The following SPATA13 variants were observed in gnomAD, a reference collection of about 807,000 sequenced individuals.
The protein encoded by SPATA13 is spermatogenesis-associated protein 13.
Under a neutral mutation model 104.0 loss-of-function variants are expected in SPATA13, and 50 were observed. The ratio of observed to expected loss-of-function variants is 0.48; its 90% CI spans 0.38 to 0.61. SPATA13 has a LOEUF of 0.61. SPATA13 is among the 20% of genes least tolerant of loss of function. SPATA13 has a pLI of 0.00. For missense variants in SPATA13, 1,524 were observed against 1,690.6 expected, an observed-to-expected ratio of 0.90 and a Z score of 1.73; for synonymous variants, 606 against 667.5, an observed-to-expected ratio of 0.91 and a Z score of 1.42.
At chr13:24,213,638 C>T (rs778675366) in intron 1 of SPATA13, among the ~76,000 whole-genome samples, 3 of 152,204 alleles carry the variant, frequency 2.0e-5, no homozygotes, top group Non-Finnish European at 2.9e-5. Context: ...ACCATTCAAG[C>T]TTCTAAGTCA....
intron 2 of SPATA13, among the ~76,000 whole-genome samples, chr13:24,009,693 G>A (rs1279185031): frequency 6.6e-6 from 1 of 152,188 alleles, no homozygotes; most frequent in Non-Finnish European, 1.5e-5. Context: ...AGGGGTGGTG[G>A]AGACCAAAGT....
intron 3 of SPATA13, among the ~76,000 whole-genome samples, chr13:24,095,569 A>T (rs6490870): frequency 3.3e-5 from 5 of 151,988 alleles, no homozygotes; most frequent in Non-Finnish European, 7.4e-5. Context: ...TATGATGGTA[A>T]ATATGTATAT....
intron 3 of SPATA13, among the ~76,000 whole-genome samples, chr13:24,082,959 AT>A (rs767224725): frequency 1.1e-4 from 17 of 151,606 alleles, no homozygotes; most frequent in African/African-American, 4.1e-4. Flanking sequence ...TAAGAGTAGT[AT>A]TTTTTGTGTA....
rs145485239 is a variant in SPATA13 at position 24,149,732 on chromosome 13, C to T, written c.-111-73087C>T. Among the ~76,000 whole-genome samples the T allele has an allele frequency of 4.0e-3, 602 of 152,306 alleles. 4 individuals carry two copies. Among genetic ancestry groups the T allele is most frequent in the African/African-American group, 0.013 (548 of 41,562 alleles). On this transcript the variant is annotated intron_variant, in intron 3 of 14. Coordinates refer to the SPATA13 transcript ENST00000424834. ...TGTGGGGAAGAACCCAGAGGGAGAG[C>T]GGCTTGTACAAAGGCCCTGCGGGGC...
chr13:24,230,363 G>GT (rs1194306506), intron 2 of SPATA13, among the ~76,000 whole-genome samples: 2 of 151,752 alleles, frequency 1.3e-5, no homozygotes, highest in African/African-American at 4.8e-5. Context: ...TGAGAATGCA[G>GT]TAAGTGCCGC....
rs76320389 is a variant in SPATA13 at position 24,182,705 on chromosome 13, A to G, written c.-112+21773A>G. Among the ~76,000 whole-genome samples the G allele has an allele frequency of 5.6e-3, 853 of 152,324 alleles. 10 individuals carry two copies. The highest frequency in any genetic ancestry group is 0.02 in the African/African-American group (811 of 41,568). On this transcript the variant is annotated intron_variant, in intron 1 of 12. Coordinates refer to ENST00000382108, the MANE Select transcript of SPATA13 (RefSeq NM_001166271.3). ...TGAGATTTGGAGAGGACAAACATCT[A>G]GACCATATCAATGGCTGTCTTTTTT...
chr13:24,056,036 A>G (rs993684798), intron 3 of SPATA13, among the ~76,000 whole-genome samples: 44 of 152,214 alleles, frequency 2.9e-4, no homozygotes, highest in Non-Finnish European at 3.1e-4. Context: ...AACAGGCTTT[A>G]TGGATGGAAG....
rs559684592 is a variant in SPATA13 at position 24,177,645 on chromosome 13, G to C, written c.-112+16713G>C. Among the ~76,000 whole-genome samples the C allele has an allele frequency of 6.6e-5, 10 of 151,728 alleles. No homozygotes were observed. The East Asian group carries it at 2.0e-3, about 30-fold the overall frequency. On this transcript the variant is annotated intron_variant, in intron 1 of 12. Transcript: ENST00000382108. Reference sequence around the variant, plus strand: ...TAGCTAATTTTTTAAATTTTCTGTAGAGACAGGGTCTCCTGTGTTGCCCAG... The same window carrying C: ...TAGCTAATTTTTTAAATTTTCTGTACAGACAGGGTCTCCTGTGTTGCCCAG...
chr13:24,007,549 C>G (rs1381864853), intron 2 of SPATA13, among the ~76,000 whole-genome samples: 1 of 152,168 alleles, frequency 6.6e-6, no homozygotes, highest in Non-Finnish European at 1.5e-5. Flanking sequence ...CTCTGCTTCC[C>G]AGGTTCAAGT....
intron 2 of SPATA13, among the ~76,000 whole-genome samples, chr13:24,012,228 G>A (rs558626431): frequency 1.3e-5 from 2 of 152,306 alleles, no homozygotes; most frequent in Admixed American, 1.3e-4. Context: ...TCCATCACTG[G>A]TAGAAGGGTC....
chr13:24,084,856 T>C (rs1345433156), intron 3 of SPATA13, among the ~76,000 whole-genome samples: 1 of 152,172 alleles, frequency 6.6e-6, no homozygotes, highest in Non-Finnish European at 1.5e-5. Flanking sequence ...ACCCGGTCTC[T>C]ACAAAAATAT....
chr13:24,297,298 T>C (rs1876851067), intron 10 of SPATA13, 65 bp from the exon 11 acceptor site: 28 of 1,528,094 alleles, frequency 1.8e-5, no homozygotes, highest in Non-Finnish European at 2.4e-5. Flanking sequence ...CTTGGCTTCT[T>C]AAGTAGCTAG....
At chr13:24,089,714 A>G (rs998982621) in intron 3 of SPATA13, among the ~76,000 whole-genome samples, 18 of 152,236 alleles carry the variant, frequency 1.2e-4, no homozygotes, top group Non-Finnish European at 1.9e-4. Context: ...CTGAAATTCA[A>G]ATTTCACTGG....
chr13:24,228,045 C>T (rs1254155965), intron 2 of SPATA13, among the ~76,000 whole-genome samples: 1 of 151,612 alleles, frequency 6.6e-6, no homozygotes, highest in African/African-American at 2.4e-5. Flanking sequence ...GCTAGGATTA[C>T]AGGCACCTGC....
At chr13:24,208,085 TG>T (rs1170563414) in intron 1 of SPATA13, among the ~76,000 whole-genome samples, 1 of 152,218 alleles carries the variant, frequency 6.6e-6, no homozygotes, top group Non-Finnish European at 1.5e-5. Context: ...GGACGAGCCT[TG>T]TTCTTGTCAA....
intron 4 of SPATA13, among the ~76,000 whole-genome samples, chr13:24,262,738 T>C (rs1401514636): frequency 6.6e-6 from 1 of 152,200 alleles, no homozygotes; most frequent in African/African-American, 2.4e-5. Flanking sequence ...TAGGGAAGCA[T>C]TAACTATACA....
At chr13:24,192,121 TC>T (rs1289242555) in intron 1 of SPATA13, among the ~76,000 whole-genome samples, 3 of 152,022 alleles carry the variant, frequency 2.0e-5, no homozygotes, top group African/African-American at 4.8e-5. Context: ...GTTCCCCCAG[TC>T]CATTGTGGCC....
chr13:24,171,386 G>T (rs1882960425), intron 1 of SPATA13, among the ~76,000 whole-genome samples: 1 of 152,220 alleles, frequency 6.6e-6, no homozygotes, highest in South Asian at 2.1e-4. Context: ...GGAGTGAGGA[G>T]AACTGGTGCT....
At chr13:24,079,712 G>A (rs1879447509) in intron 3 of SPATA13, among the ~76,000 whole-genome samples, 1 of 152,080 alleles carries the variant, frequency 6.6e-6, no homozygotes. Context: ...CCTTGGCACA[G>A]TGCTAGTGTG....
Sources: gnomAD v4.1 joint callset for allele counts (sites outside exome capture counted in the v4.1 genomes callset) on GRCh38, gnomAD v4.1.1 for gene constraint, MANE v1.5 for transcripts, NCBI Gene and HGNC (gene_info 2026-07-23, HGNC 2026-07-21) for gene names.